The following NTMT1 variants were observed in gnomAD, a reference collection of about 807,000 sequenced individuals.
NTMT1 encodes the protein N-terminal RCC1 methyltransferase.
NTMT1 carries 8 observed loss-of-function variants against 17.5 expected under a neutral mutation model. That is an observed-to-expected ratio of 0.46 (90% CI 0.27 to 0.82). The LOEUF is 0.82. Ranked by LOEUF, NTMT1 falls within the 40% of genes least tolerant of loss-of-function variation. The pLI, the probability that NTMT1 is intolerant of heterozygous loss-of-function variation, is 0.15. For synonymous variants in NTMT1, 128 were observed against 126.8 expected, an observed-to-expected ratio of 1.01 and a Z score of -0.06; for missense variants, 221 against 303.5, an observed-to-expected ratio of 0.73 and a Z score of 2.02.
At chr9:129,619,390 C>T in intron 1 of NTMT1, 1 of 709,998 alleles carries the variant, frequency 1.4e-6, no homozygotes, top group Non-Finnish European at 2.4e-6. Context: ...CACGGACAGC[C>T]ATATGTAAGG....
Position 129,620,055 on chromosome 9 carries a change from G to C in NTMT1, c.-55+10877G>C. 1 of 1,447,998 alleles carries C rather than the reference G, an allele frequency of 6.9e-7. No individual in the cohort carries two copies. Among genetic ancestry groups the C allele is most frequent in the African/African-American group, 1.5e-5 (1 of 68,178 alleles). 89.7% of individuals were successfully genotyped at this position (1,447,998 alleles called of 1,614,324 possible). ...GACTCGGGCCCGCCCCCCGGGCCCC[G>C]CGGGGCCTCACTCAGTGGCTCCGGC... On this transcript the variant is annotated intron_variant, in intron 1 of 3. Coordinates refer to the NTMT1 transcript ENST00000372486. The surrounding 1 kb of genome is among the most constrained non-coding windows in gnomAD (Gnocchi z 5.8).
Position 129,634,334 on chromosome 9 carries a change from C to G in NTMT1, c.415+28C>G, listed in dbSNP as rs572610652. 14 of 1,566,124 alleles carry G rather than the reference C, an allele frequency of 8.9e-6. No individual in the cohort carries two copies. In the African/African-American group the frequency reaches 9.4e-5, roughly 11 times the overall value. On this transcript the variant is annotated intron_variant, in intron 3 of 3. Transcript: ENST00000372483. ...GAGGGTTCCACCGCCCTTCCCTGCT[C>G]ACCTGTATGTCTCCTGCCACTCGCG...
chr9:129,618,126 T>C (rs559955414), intron 1 of NTMT1, among the ~76,000 whole-genome samples: 2 of 152,304 alleles, frequency 1.3e-5, no homozygotes, highest in South Asian at 2.1e-4. Context: ...AAGAATGATA[T>C]GTTTGTGATG....
chr9:129,632,648 A>G lies in NTMT1; in HGVS notation c.-54-2A>G. The G allele has an allele frequency of 6.2e-7, 1 of 1,601,850 alleles. No individual in the cohort carries two copies. ...CTGACTCACGCCCCCTTCCTTACCC[A>G]GGAGAGTCGCGGTTGCTGATCGTGG... On this transcript the variant is annotated splice_acceptor_variant, in intron 1 of 3. Coordinates refer to ENST00000372483, the MANE Select transcript of NTMT1 (RefSeq NM_014064.4). LOFTEE classifies it low-confidence loss of function (5UTR_SPLICE).
At chr9:129,619,926 G>T in intron 1 of NTMT1, 1 of 1,491,858 alleles carries the variant, frequency 6.7e-7, no homozygotes, top group East Asian at 2.3e-5. Flanking sequence ...CCTCAAGGAC[G>T]GGTTGCGAGG....
rs1160019593 is a variant in NTMT1 at position 129,614,731 on chromosome 9, C to T, written c.-55+5553C>T. On this transcript the variant is annotated intron_variant, in intron 1 of 3. Transcript: ENST00000372486. This position sits in a 1 kb window ranked among gnomAD's most constrained non-coding sequence, Gnocchi z 4.4. Reference sequence around the variant, plus strand: ...CACCCTGGTCAACATGGAGAAACCCCGTCTCTACTAAAAATACAAAATTAG... The same window carrying T: ...CACCCTGGTCAACATGGAGAAACCCTGTCTCTACTAAAAATACAAAATTAG... Among the ~76,000 whole-genome samples the T allele has an allele frequency of 2.0e-5, 3 of 152,156 alleles. No homozygotes were observed. Among genetic ancestry groups the T allele is most frequent in the East Asian group, 1.9e-4 (1 of 5,160 alleles).
chr9:129,612,284 G>A (rs370290378), intron 1 of NTMT1: 1 of 1,395,076 alleles, frequency 7.2e-7, no homozygotes, highest in Non-Finnish European at 1.0e-6. Flanking sequence ...TATTTGTGGG[G>A]CAAGGAAGGA....
At chr9:129,623,368 A>AG (rs1830798146), upstream of NTMT1, among the ~76,000 whole-genome samples, 2 of 149,746 alleles carry the variant, frequency 1.3e-5, no homozygotes, top group South Asian at 4.2e-4. Context: ...GAAGGAAGGA[A>AG]GAAAAGAAAT....
chr9:129,611,750 T>C (rs1416871151), intron 1 of NTMT1, among the ~76,000 whole-genome samples: 1 of 151,914 alleles, frequency 6.6e-6, no homozygotes, highest in African/African-American at 2.4e-5. Context: ...GTTGTTGTTG[T>C]TGTTTGTTTG....
At chr9:129,623,875 G>A (rs1830818099), upstream of NTMT1, among the ~76,000 whole-genome samples, 1 of 124,074 alleles carries the variant, frequency 8.1e-6, no homozygotes, top group Non-Finnish European at 1.6e-5. Flanking sequence ...CTCACTGCAA[G>A]CTCCGCATCC....
Position 129,620,388 on chromosome 9 carries a change from G to A in NTMT1, c.-55+11210G>A. On this transcript the variant is annotated intron_variant, in intron 1 of 3. Transcript: ENST00000372486. This position sits in a 1 kb window ranked among gnomAD's most constrained non-coding sequence, Gnocchi z 5.8. ...ACCCCGGGCTTGGCGTCCCCTTCCG[G>A]CCACCACGCGGCGCCGCCCCCCGGG... 1 of 1,232,022 alleles carries A rather than the reference G, an allele frequency of 8.1e-7. No homozygotes were observed. Among genetic ancestry groups the A allele is most frequent in the Non-Finnish European group, 1.0e-6 (1 of 988,096 alleles). 76.3% of individuals were successfully genotyped at this position (1,232,022 alleles called of 1,614,324 possible).
chr9:129,634,969 T>G, intron 3 of NTMT1: 1 of 542,808 alleles, frequency 1.8e-6, no homozygotes, highest in South Asian at 2.3e-5. Flanking sequence ...TTGTAAGCCA[T>G]CCCGTCAAGT....
In NTMT1 at chr9:129,613,666, C is replaced by G; in HGVS notation, c.-55+4488C>G. ...GCACTGGTGCCCCCACCCTCTTTTC[C>G]TCCCTCTGGCAGGCAGGGCCGGTCA... On this transcript the variant is annotated intron_variant, in intron 1 of 3. Coordinates refer to the NTMT1 transcript ENST00000372486. This position sits in a 1 kb window ranked among gnomAD's most constrained non-coding sequence, Gnocchi z 6.2. 6.3e-7 allele frequency: 1 copy of G among 1,589,920 alleles called. No individual in the cohort carries two copies. Among genetic ancestry groups the G allele is most frequent in the Non-Finnish European group, 8.6e-7 (1 of 1,165,618 alleles).
At chr9:129,623,435 G>A (rs955071051), upstream of NTMT1, among the ~76,000 whole-genome samples, 1 of 152,216 alleles carries the variant, frequency 6.6e-6, no homozygotes, top group Non-Finnish European at 1.5e-5. Context: ...TCCTGGAGAA[G>A]TGTCTTCTTT....
In NTMT1 at chr9:129,620,551, T is replaced by G. The variant is rs1830647675; in HGVS notation, c.-55+11373T>G. 3 of 1,397,200 alleles carry G rather than the reference T, an allele frequency of 2.1e-6. No homozygotes were observed. Among genetic ancestry groups the G allele is most frequent in the Non-Finnish European group, 2.8e-6 (3 of 1,072,482 alleles). The allele number at this position is 1,397,200 out of a possible 1,614,324, so 86.6% of individuals were successfully genotyped here. A position where few individuals can be genotyped will look rare whatever the true frequency, so the allele number is the denominator to read the frequency against. On this transcript the variant is annotated intron_variant, in intron 1 of 3. Transcript: ENST00000372486. The surrounding 1 kb of genome is among the most constrained non-coding windows in gnomAD (Gnocchi z 5.8). ...CCTTGGGCGCCAGGTCCTGGGCCCC[T>G]GGGCGAAGTCGACGCCAGAACATGC...
Position 129,632,669 on chromosome 9 carries a change from C to G in NTMT1, c.-35C>G, listed in dbSNP as rs952571687. 1 of 1,609,360 alleles carries G rather than the reference C, an allele frequency of 6.2e-7. No individual in the cohort carries two copies. The highest frequency in any genetic ancestry group is 1.1e-5 in the South Asian group (1 of 90,822). ...ACCCAGGAGAGTCGCGGTTGCTGAT[C>G]GTGGTGCTTGAGTAGAGCCGTGGTT... On this transcript the variant is annotated 5_prime_UTR_variant, in exon 2 of 4. In the 5' UTR this introduces an upstream ATG that the reference lacks. Coordinates refer to ENST00000372483, the MANE Select transcript of NTMT1 (RefSeq NM_014064.4).
intron 1 of NTMT1, among the ~76,000 whole-genome samples, chr9:129,627,049 G>A (rs962118490): frequency 5.9e-5 from 9 of 152,344 alleles, no homozygotes; most frequent in African/African-American, 2.2e-4. Flanking sequence ...GCTGGTATAA[G>A]GAGCCTGGAT....
At chr9:129,612,871 G>T (rs1830157606) in intron 1 of NTMT1, among the ~76,000 whole-genome samples, 1 of 152,178 alleles carries the variant, frequency 6.6e-6, no homozygotes, top group South Asian at 2.1e-4. Context: ...GGGAGATGCA[G>T]AAAGGAACTG....
chr9:129,613,545 C>T lies in NTMT1; in HGVS notation c.-55+4367C>T. On this transcript the variant is annotated intron_variant, in intron 1 of 3. Coordinates refer to the NTMT1 transcript ENST00000372486. This position sits in a 1 kb window ranked among gnomAD's most constrained non-coding sequence, Gnocchi z 6.2. Reference sequence around the variant, plus strand: ...GTTTTCCGACACTCCCAAACACCCGCTCGGACGCCACTGGCAGGGCGGCCT... The same window carrying T: ...GTTTTCCGACACTCCCAAACACCCGTTCGGACGCCACTGGCAGGGCGGCCT... 6.2e-7 allele frequency: 1 copy of T among 1,614,188 alleles called. No individual in the cohort carries two copies. The highest frequency in any genetic ancestry group is 8.5e-7 in the Non-Finnish European group (1 of 1,180,022).
Sources: allele counts gnomAD v4.1 joint callset (sites outside exome capture counted in the v4.1 genomes callset), GRCh38; gene constraint gnomAD v4.1.1; non-coding constraint Gnocchi (gnomAD v3.1); transcripts MANE v1.5; gene names NCBI Gene and HGNC (gene_info 2026-07-23, HGNC 2026-07-21).